The following HERC6 variants were observed in gnomAD, a reference collection of about 807,000 sequenced individuals.
HERC6 encodes the protein HECT and RLD domain containing E3 ubiquitin protein ligase family member 6.
Under a neutral mutation model 114.5 loss-of-function variants are expected in HERC6, and 101 were observed. The observed-to-expected ratio is 0.88, with a 90% CI of 0.75 to 1.04. HERC6 has a LOEUF of 1.04. Among genes scored for constraint, HERC6 ranks in the 50% least tolerant of loss-of-function variants. The pLI is 0.00. For synonymous variants in HERC6, 408 were observed against 436.2 expected (o/e 0.94, Z 0.81); for missense variants, 1,133 against 1,230.9 (o/e 0.92, Z 1.19).
chr4:88,413,802 G>A (rs1736267775), intron 12 of HERC6, among the ~76,000 whole-genome samples: 2 of 152,184 alleles, frequency 1.3e-5, no homozygotes, highest in South Asian at 4.1e-4. Flanking sequence ...GGGAGGTAGG[G>A]AATGTAGACA....
In HERC6 at chr4:88,442,243, C is replaced by T. The variant is rs1739417697; in HGVS notation, c.2852C>T (p.Thr951Ile). 2 of 1,609,568 alleles carry T rather than the reference C, an allele frequency of 1.2e-6. No homozygotes were observed. Among genetic ancestry groups the T allele is most frequent in the East Asian group, 4.5e-5 (2 of 44,832 alleles). The change falls in exon 23 of 23, where the codon ACA (threonine) becomes ATA (isoleucine). Residue 951 changes from threonine (T) to isoleucine (I), a missense_variant. This residue lies in a region of HERC6 where 388 missense variants were observed against 445.9 expected (regional missense o/e 0.87). Coordinates refer to ENST00000264346, the MANE Select transcript of HERC6 (RefSeq NM_017912.4). ...DEKKKFLFFL[T>I]GRDRLHARGI... ...TTTTATTCCTTTCTAGTTTTCCTTA[C>T]AGGACGTGATAGGCTGCATGCAAGA...
intron 15 of HERC6, among the ~76,000 whole-genome samples, chr4:88,428,285 T>A (rs1056717483): frequency 1.3e-5 from 2 of 152,206 alleles, no homozygotes; most frequent in African/African-American, 4.8e-5. Context: ...TTAAGGATGA[T>A]GTTTACTATA....
intron 8 of HERC6, among the ~76,000 whole-genome samples, chr4:88,403,027 G>C (rs754208239): frequency 6.6e-6 from 1 of 152,226 alleles, no homozygotes; most frequent in Non-Finnish European, 1.5e-5. Flanking sequence ...AACAAGTGCA[G>C]TGGAGGCATA....
chr4:88,390,006 A>G (rs1436572661), intron 3 of HERC6, among the ~76,000 whole-genome samples: 1 of 151,836 alleles, frequency 6.6e-6, no homozygotes, highest in Non-Finnish European at 1.5e-5. Context: ...GTGAAACCCC[A>G]TCTCTACTAA....
At chr4:88,409,556 C>T (rs569937675) in intron 11 of HERC6, among the ~76,000 whole-genome samples, 44 of 152,228 alleles carry the variant, frequency 2.9e-4, no homozygotes, top group African/African-American at 1.1e-3. Context: ...CAGAGCAATG[C>T]TCGAGAGGTG....
At chr4:88,390,517 C>T in intron 3 of HERC6, 135 bp from the exon 4 acceptor site, 1 of 789,680 alleles carries the variant, frequency 1.3e-6, no homozygotes, top group Non-Finnish European at 2.0e-6. Context: ...TATTGTATAC[C>T]TTAAATAGAT....
chr4:88,422,868 G>T (rs989776123), intron 13 of HERC6, among the ~76,000 whole-genome samples: 2 of 152,046 alleles, frequency 1.3e-5, no homozygotes, highest in Non-Finnish European at 2.9e-5. Context: ...TTCTTTGTCG[G>T]AAGTTTTTTA....
chr4:88,404,003 A>G (rs529386549), intron 8 of HERC6, among the ~76,000 whole-genome samples: 362 of 151,874 alleles, frequency 2.4e-3, no homozygotes, highest in Non-Finnish European at 4.0e-3. Context: ...TTAAATAATA[A>G]CTCCCCATTC....
In HERC6 at chr4:88,408,558, T is replaced by A. The variant is rs1472925585; in HGVS notation, c.1309T>A (p.Leu437Ile). Residue 437 changes from leucine to isoleucine, a missense_variant, in exon 11 of 23, where the codon TTA (leucine) becomes ATA (isoleucine). Physicochemically the swap from Leu to Ile is conservative, Grantham distance 5. Around this residue, in one of 3 missense-constraint regions of HERC6, gnomAD observed 735 missense variants for 754.0 expected, o/e 0.97. Transcript: ENST00000264346. The part of the protein sequence containing the change: ...TGETTSIDVD[L>I]EMARDTFKKL... The stretch of plus-strand genomic sequence containing the variant: ...AGAAACGACTTCCATTGATGTGGAC[T>A]TAGAAATGGCAAGAGATACCTTCAA... The A allele has an allele frequency of 2.5e-6, 4 of 1,600,280 alleles. No individual in the cohort carries two copies. The highest frequency in any genetic ancestry group is 3.4e-6 in the Non-Finnish European group (4 of 1,173,092).
chr4:88,404,429 T>C (rs541658389), intron 8 of HERC6, among the ~76,000 whole-genome samples: 2 of 152,240 alleles, frequency 1.3e-5, no homozygotes, highest in South Asian at 4.1e-4. Flanking sequence ...CCTCAGGTGA[T>C]CCGCTTGCCT....
Position 88,383,174 on chromosome 4 carries a change from A to G in HERC6, c.200-47A>G, listed in dbSNP as rs767036075. 2.7e-5 allele frequency: 42 copies of G among 1,581,000 alleles called. No homozygotes were observed. The Admixed American group carries it at 7.8e-4, about 29-fold the overall frequency. Reference sequence around the variant, plus strand: ...GCTGTCTTAAACTTGTGTTAAATTAATAATCTGCAGTGGTGGTTGGGGGGT... The same window carrying G: ...GCTGTCTTAAACTTGTGTTAAATTAGTAATCTGCAGTGGTGGTTGGGGGGT... On this transcript the variant is annotated intron_variant, in intron 1 of 22. Transcript: ENST00000264346.
In HERC6 at chr4:88,442,570, G is replaced by C. The variant is rs905387158; in HGVS notation, c.*110G>C. 12 of 843,968 alleles carry C rather than the reference G, an allele frequency of 1.4e-5. No homozygotes were observed. The Admixed American group carries it at 2.8e-4, about 20-fold the overall frequency. The allele number at this position is 843,968 out of a possible 1,614,324, so 52.3% of individuals were successfully genotyped here. On this transcript the variant is annotated 3_prime_UTR_variant, in exon 23 of 23. Transcript: ENST00000264346. Reference sequence around the variant, plus strand: ...GAATAGTGGTTAGAAGTAGTTGAGGGAGAGATTGGGGGAATGGGGAGATGA... The same window carrying C: ...GAATAGTGGTTAGAAGTAGTTGAGGCAGAGATTGGGGGAATGGGGAGATGA...
At chr4:88,426,377 A>G (rs1737616083) in intron 15 of HERC6, among the ~76,000 whole-genome samples, 1 of 152,128 alleles carries the variant, frequency 6.6e-6, no homozygotes, top group South Asian at 2.1e-4. Flanking sequence ...CATGTTGGTC[A>G]GGCTGGTCTC....
chr4:88,386,255 G>C (rs1354193417), intron 3 of HERC6, among the ~76,000 whole-genome samples: 1 of 149,978 alleles, frequency 6.7e-6, no homozygotes, highest in African/African-American at 2.5e-5. Context: ...ACCCAGGCTG[G>C]AGTGTGGTGG....
At chr4:88,399,774 A>C (rs1735439397) in intron 8 of HERC6, 1 of 152,106 alleles carries the variant, frequency 6.6e-6, no homozygotes, top group Admixed American at 6.6e-5. Context: ...GTCTCCAAAA[A>C]AAAAAAAAAA....
intron 22 of HERC6, 121 bp from the exon 23 acceptor site, chr4:88,442,113 C>A: frequency 1.4e-6 from 1 of 730,118 alleles, no homozygotes; most frequent in Non-Finnish European, 2.3e-6. Context: ...TGGTCTAGGA[C>A]AGTTCTCTCT....
intron 10 of HERC6, among the ~76,000 whole-genome samples, chr4:88,407,221 G>T (rs1234968700): frequency 6.6e-6 from 1 of 151,992 alleles, no homozygotes; most frequent in Non-Finnish European, 1.5e-5. Context: ...GGGATTACAG[G>T]CATGCGCCAC....
chr4:88,408,419 A>G, intron 10 of HERC6, 105 bp from the exon 11 acceptor site: 1 of 724,620 alleles, frequency 1.4e-6, no homozygotes, highest in South Asian at 1.6e-5. Flanking sequence ...GCTTTAAGAA[A>G]AAGGTTTGTA....
At chr4:88,432,632 G>A (rs933086379) in intron 17 of HERC6, among the ~76,000 whole-genome samples, 1 of 152,012 alleles carries the variant, frequency 6.6e-6, no homozygotes, top group Non-Finnish European at 1.5e-5. Context: ...GGGAGGCTGA[G>A]GCAGGAGAAT....
Sources: allele counts gnomAD v4.1 joint callset (sites outside exome capture counted in the v4.1 genomes callset), GRCh38; gene constraint gnomAD v4.1.1; regional missense constraint gnomAD v4.1.1; transcripts MANE v1.5; gene names NCBI Gene and HGNC (gene_info 2026-07-23, HGNC 2026-07-21).